RPS6KA2: variants seen among roughly 807,000 people sequenced by gnomAD.
RPS6KA2 encodes the protein ribosomal protein S6 kinase alpha-2.
Under a neutral mutation model 91.8 loss-of-function variants are expected in RPS6KA2, and 42 were observed. The ratio of observed to expected loss-of-function variants is 0.46; its 90% CI spans 0.36 to 0.59. The LOEUF is 0.59. Ranked by LOEUF, RPS6KA2 falls within the 20% of genes least tolerant of loss-of-function variation. The pLI, the probability that RPS6KA2 is intolerant of heterozygous loss-of-function variation, is 0.00. For missense variants in RPS6KA2, 798 were observed against 978.5 expected (o/e 0.82, Z 2.46); for synonymous variants, 414 against 393.6 (o/e 1.05, Z -0.61).
intron 8 of RPS6KA2, among the ~76,000 whole-genome samples, chr6:166,497,141 C>T (rs538130008): frequency 1.3e-5 from 2 of 152,298 alleles, no homozygotes; most frequent in African/African-American, 2.4e-5. Context: ...GAGGGGTGAC[C>T]GTGGGGGACT....
chr6:166,690,338 G>T (rs952475490), intron 2 of RPS6KA2, among the ~76,000 whole-genome samples: 2 of 152,072 alleles, frequency 1.3e-5, no homozygotes, highest in African/African-American at 4.8e-5. Flanking sequence ...GGGCTAAACT[G>T]GTCTATTCCT....
At chr6:166,725,754 C>G (rs967146041) in intron 2 of RPS6KA2, among the ~76,000 whole-genome samples, 1 of 152,226 alleles carries the variant, frequency 6.6e-6, no homozygotes, top group African/African-American at 2.4e-5. Flanking sequence ...ACAGCTTCCT[C>G]GGGCCAGCGT....
Position 166,612,848 on chromosome 6 carries a change from G to A in RPS6KA2, c.99+14073C>T, listed in dbSNP as rs1047113251. On this transcript the variant is annotated intron_variant, in intron 1 of 20. Transcript: ENST00000265678. This position sits in a 1 kb window ranked among gnomAD's most constrained non-coding sequence, Gnocchi z 4.3. ...CCTGTCCTCCTCCCTCTGGCCCTGC[G>A]CACTACGTCCCACTTGTTTCTTGAC... Among the ~76,000 whole-genome samples the A allele has an allele frequency of 3.9e-5, 6 of 152,026 alleles. No individual in the cohort carries two copies. Among genetic ancestry groups the A allele is most frequent in the African/African-American group, 9.7e-5 (4 of 41,382 alleles).
At chr6:166,761,652 G>A (rs113167852) in intron 2 of RPS6KA2, among the ~76,000 whole-genome samples, 1,768 of 152,294 alleles carry the variant, frequency 0.012, 41 homozygotes, top group African/African-American at 0.04. Context: ...AATATTTTGT[G>A]TCTTCCTCTG....
At chr6:166,776,570 C>T (rs1432185805) in intron 2 of RPS6KA2, among the ~76,000 whole-genome samples, 3 of 152,198 alleles carry the variant, frequency 2.0e-5, no homozygotes, top group Non-Finnish European at 2.9e-5. Flanking sequence ...TTGCTCCCCA[C>T]TCTGCCCTCC....
At chr6:166,498,461 G>T (rs778418233) in intron 8 of RPS6KA2, 47 bp downstream of exon 8, 1 of 1,562,666 alleles carries the variant, frequency 6.4e-7, no homozygotes. Flanking sequence ...AGGGGTCCAC[G>T]TGGGGAACAG....
At chr6:166,857,465 G>T (rs1479870977) in intron 2 of RPS6KA2, among the ~76,000 whole-genome samples, 1 of 152,188 alleles carries the variant, frequency 6.6e-6, no homozygotes, top group Non-Finnish European at 1.5e-5. Context: ...GCTGGCCAGT[G>T]TCTCCCTGAT....
intron 2 of RPS6KA2, among the ~76,000 whole-genome samples, chr6:166,797,000 T>TC (rs1204587474): frequency 7.2e-5 from 11 of 152,380 alleles, no homozygotes; most frequent in African/African-American, 2.4e-4. Flanking sequence ...CGTTTCATTC[T>TC]CCAGGGCATT....
intron 2 of RPS6KA2, among the ~76,000 whole-genome samples, chr6:166,822,157 C>G (rs1251236026): frequency 3.9e-5 from 6 of 152,234 alleles, no homozygotes; most frequent in Non-Finnish European, 7.3e-5. Context: ...AAATCTGACT[C>G]TAGCAATTCC....
chr6:166,842,583 C>T (rs546315090), intron 2 of RPS6KA2, among the ~76,000 whole-genome samples: 29 of 152,294 alleles, frequency 1.9e-4, no homozygotes, highest in Admixed American at 1.4e-3. Context: ...TTGCAAGGCT[C>T]CAGGAGACTA....
intron 2 of RPS6KA2, among the ~76,000 whole-genome samples, chr6:166,758,984 C>T (rs1778096956): frequency 6.6e-6 from 1 of 152,186 alleles, no homozygotes; most frequent in Non-Finnish European, 1.5e-5. Context: ...CATTTCGTGG[C>T]TTCCAGAGCA....
rs114774603 is a variant in RPS6KA2, at chr6:166,691,544, G to A, written c.124-152760C>T. ...GTTTTCAGGGTACTGTGCTCAGCCC[G>A]GGCCTCCCCTGCTGCCCTGTTAGAA... On this transcript the variant is annotated intron_variant, in intron 2 of 21. Transcript: ENST00000503859. Among the ~76,000 whole-genome samples, 831 of 152,120 alleles carry A rather than the reference G, an allele frequency of 5.5e-3. 7 individuals are homozygous for A. The highest frequency in any genetic ancestry group is 0.019 in the African/African-American group (790 of 41,488).
intron 1 of RPS6KA2, among the ~76,000 whole-genome samples, chr6:166,860,005 C>T (rs1187468142): frequency 6.6e-6 from 1 of 152,196 alleles, no homozygotes; most frequent in East Asian, 1.9e-4. Context: ...GCCAGATATG[C>T]TCCATATAGC....
chr6:166,418,297 AATCTCCTCAGGG>A lies in RPS6KA2; in HGVS notation c.1854_1865del (p.Pro619_Ile622del). On this transcript the variant is annotated inframe_deletion, in exon 19 of 21. Coordinates refer to ENST00000265678, the MANE Select transcript of RPS6KA2 (RefSeq NM_021135.6). This position sits in a 1 kb window ranked among gnomAD's most constrained non-coding sequence, Gnocchi z 4.9. ...ACTTCCCACTGCCGATCCGCGCCAG[AATCTCCTCAGGG>A]GTATCGTCTGGCCCATTTGCAAAAG... 6.2e-7 allele frequency: 1 copy of A among 1,614,108 alleles called. No individual in the cohort carries two copies. Among genetic ancestry groups the A allele is most frequent in the East Asian group, 2.2e-5 (1 of 44,880 alleles).
chr6:166,413,050 G>GT (rs1275169614), intron 20 of RPS6KA2, among the ~76,000 whole-genome samples, 163 bp from the exon 21 acceptor site: 4 of 152,078 alleles, frequency 2.6e-5, no homozygotes, highest in Admixed American at 2.6e-4. Flanking sequence ...TGCCGCCAGG[G>GT]GCCAGCACAC....
chr6:166,498,202 G>A (rs910765188), intron 8 of RPS6KA2, among the ~76,000 whole-genome samples: 4 of 152,220 alleles, frequency 2.6e-5, no homozygotes, highest in African/African-American at 4.8e-5. Flanking sequence ...ACTTTAACTC[G>A]AAAATCATGG....
intron 1 of RPS6KA2, among the ~76,000 whole-genome samples, chr6:166,860,796 GA>G (rs1239502388): frequency 6.6e-6 from 1 of 152,122 alleles, no homozygotes; most frequent in African/African-American, 2.4e-5. Context: ...TCAATATTTA[GA>G]AAAATTGAAT....
intron 2 of RPS6KA2, among the ~76,000 whole-genome samples, chr6:166,747,692 G>T (rs1791064913): frequency 6.6e-6 from 1 of 152,192 alleles, no homozygotes; most frequent in Non-Finnish European, 1.5e-5. Context: ...CAGCATAGCT[G>T]GTGTGCTCTT....
intron 2 of RPS6KA2, among the ~76,000 whole-genome samples, chr6:166,763,021 A>C (rs1411470134): frequency 6.6e-6 from 1 of 152,240 alleles, no homozygotes; most frequent in African/African-American, 2.4e-5. Flanking sequence ...TAGCTACTAC[A>C]AGGTGGGGTC....
Sources: gnomAD v4.1 joint callset for allele counts (sites outside exome capture counted in the v4.1 genomes callset) on GRCh38, gnomAD v4.1.1 for gene constraint, Gnocchi (gnomAD v3.1) non-coding constraint, MANE v1.5 for transcripts, NCBI Gene and HGNC (gene_info 2026-07-23, HGNC 2026-07-21) for gene names.